Variants in NEDD4 observed in about 807,000 individuals in gnomAD.
NEDD4 encodes NEDD4 E3 ubiquitin protein ligase.
Under a neutral mutation model 144.9 loss-of-function variants are expected in NEDD4, and 99 were observed. The ratio of observed to expected loss-of-function variants is 0.68; its 90% CI spans 0.58 to 0.81. The LOEUF (loss-of-function observed/expected upper bound fraction) is 0.81. NEDD4 is among the 30% of genes least tolerant of loss of function. The pLI, the probability that NEDD4 is intolerant of heterozygous loss-of-function variation, is 0.00. For synonymous variants in NEDD4, 318 were observed against 350.6 expected, an observed-to-expected ratio of 0.91 and a Z score of 1.04; for missense variants, 985 against 1,065.9, an observed-to-expected ratio of 0.92 and a Z score of 1.06.
chr15:55,986,843 T>A (rs183158981), intron 1 of NEDD4, among the ~76,000 whole-genome samples: 4 of 151,800 alleles, frequency 2.6e-5, no homozygotes, highest in Admixed American at 2.6e-4. Context: ...GATCCACCCG[T>A]CTCGGCCTCC....
intron 3 of NEDD4, 32 bp from the exon 4 acceptor site, chr15:55,951,446 A>C: frequency 7.9e-7 from 1 of 1,266,862 alleles, no homozygotes; most frequent in Non-Finnish European, 1.1e-6. Flanking sequence ...ATAACTAAAT[A>C]AGGTTTTGTC....
chr15:55,969,472 C>G (rs1416992347), intron 1 of NEDD4, among the ~76,000 whole-genome samples: 2 of 152,148 alleles, frequency 1.3e-5, no homozygotes, highest in Non-Finnish European at 2.9e-5. Flanking sequence ...CAAGGGTGTG[C>G]TTGTGTCACC....
intron 1 of NEDD4, among the ~76,000 whole-genome samples, chr15:55,985,227 G>T (rs1434931067): frequency 2.6e-5 from 4 of 152,210 alleles, no homozygotes; most frequent in African/African-American, 9.6e-5. Context: ...AGAAATTATA[G>T]TTCCTTCTCC....
In NEDD4 at chr15:55,842,219, C is replaced by T; in HGVS notation, c.1609-56G>A. The T allele has an allele frequency of 2.8e-6, 4 of 1,417,286 alleles. 1 individual carries two copies. In the South Asian group the frequency reaches 3.5e-5, roughly 13 times the overall value. The allele number at this position is 1,417,286 out of a possible 1,614,324, so 87.8% of individuals were successfully genotyped here. A position where few individuals can be genotyped will look rare whatever the true frequency, so the allele number is the denominator to read the frequency against. The stretch of plus-strand genomic sequence containing the variant: ...AAATCAGTTCAACATAATAACAAAC[C>T]CATCTCTCATAAAGTTATAACATTC... On this transcript the variant is annotated intron_variant, in intron 18 of 28. Coordinates refer to ENST00000435532, the MANE Select transcript of NEDD4 (RefSeq NM_006154.4).
At chr15:55,903,544 G>A (rs1386483699) in intron 5 of NEDD4, among the ~76,000 whole-genome samples, 1 of 152,158 alleles carries the variant, frequency 6.6e-6, no homozygotes, top group Non-Finnish European at 1.5e-5. Context: ...ATATACTGGG[G>A]CCGGGCAAGG....
In NEDD4 at chr15:55,834,026, G is replaced by T. The variant is rs1157993551; in HGVS notation, c.2430+12C>A. On this transcript the variant is annotated intron_variant, in intron 26 of 28. Transcript: ENST00000435532. Reference sequence around the variant, plus strand: ...CAAAAAGTAAGTTATGAAAATAGAAGTTTCAAATTACCTTCCAAAACCACT... The same window carrying T: ...CAAAAAGTAAGTTATGAAAATAGAATTTTCAAATTACCTTCCAAAACCACT... 1 of 1,580,422 alleles carries T rather than the reference G, an allele frequency of 6.3e-7. No homozygotes were observed. The highest frequency in any genetic ancestry group is 8.7e-7 in the Non-Finnish European group (1 of 1,155,946).
At chr15:55,940,441 A>G (rs1271841732) in intron 4 of NEDD4, among the ~76,000 whole-genome samples, 2 of 148,372 alleles carry the variant, frequency 1.3e-5, no homozygotes, top group African/African-American at 4.9e-5. Context: ...TAAATGGCTT[A>G]TTTTTCTCAT....
At chr15:55,890,030 G>C (rs1035625568) in intron 5 of NEDD4, among the ~76,000 whole-genome samples, 4 of 152,050 alleles carry the variant, frequency 2.6e-5, no homozygotes, top group Non-Finnish European at 5.9e-5. Context: ...ATAACTAAAA[G>C]AGCATAATTC....
chr15:55,844,693 C>A (rs1445588667), intron 18 of NEDD4, among the ~76,000 whole-genome samples: 1 of 152,056 alleles, frequency 6.6e-6, no homozygotes. Flanking sequence ...AATGCTTAAA[C>A]AGTATCTGGC....
intron 2 of NEDD4, among the ~76,000 whole-genome samples, chr15:55,955,689 T>C (rs2142310816): frequency 6.6e-6 from 1 of 152,288 alleles, no homozygotes; most frequent in Non-Finnish European, 1.5e-5. Context: ...ATTTCTTTTT[T>C]TTTTCTTTTC....
At chr15:55,844,769 G>A (rs1319401892) in intron 18 of NEDD4, among the ~76,000 whole-genome samples, 3 of 151,448 alleles carry the variant, frequency 2.0e-5, no homozygotes, top group African/African-American at 7.3e-5. Flanking sequence ...AGAGGAAAAG[G>A]TTAAAGACAG....
chr15:55,894,821 A>G (rs374724978), intron 5 of NEDD4, among the ~76,000 whole-genome samples: 1 of 152,206 alleles, frequency 6.6e-6, no homozygotes, highest in Non-Finnish European at 1.5e-5. Flanking sequence ...CAGGCAAGAC[A>G]TAACAGGAAT....
At chr15:55,965,289 C>T (rs558751737) in intron 2 of NEDD4, among the ~76,000 whole-genome samples, 1 of 152,110 alleles carries the variant, frequency 6.6e-6, no homozygotes, top group African/African-American at 2.4e-5. Flanking sequence ...GCAGCCTCAA[C>T]CACCCAGACT....
rs1284797191 is a variant in NEDD4, at chr15:55,828,306, TAAG to T, written c.*1588_*1590del. 2.0e-5 allele frequency: 3 copies of T among 152,192 alleles called. No homozygotes were observed. Among genetic ancestry groups the T allele is most frequent in the African/African-American group, 7.2e-5 (3 of 41,446 alleles). The allele number at this position is 152,192 out of a possible 1,614,324, so 9.4% of individuals were successfully genotyped here. A position where few individuals can be genotyped will look rare whatever the true frequency, so the allele number is the denominator to read the frequency against. On this transcript the variant is annotated 3_prime_UTR_variant, in exon 29 of 29. Transcript: ENST00000435532. ...CACAGGGTGTGTATATATATATATT[TAAG>T]AAGATTCGTAACATATATTTACAAT...
At position 55,951,421 on chromosome 15, in the gene NEDD4, AAT is replaced by A. The variant is rs2142301203; in HGVS notation, c.199-9_199-8del. ...TCCACTTTGGATTCAAACTCTAAAA[AAT>A]AATAAACATAGTATAACTAAATAAG... On this transcript the variant is annotated splice_polypyrimidine_tract_variant and splice_region_variant and intron_variant, in intron 3 of 28. Coordinates refer to ENST00000435532, the MANE Select transcript of NEDD4 (RefSeq NM_006154.4). The A allele has an allele frequency of 8.9e-7, 1 of 1,128,014 alleles. No individual in the cohort carries two copies. The highest frequency in any genetic ancestry group is 1.5e-5 in the South Asian group (1 of 65,240). 69.9% of individuals were successfully genotyped at this position (1,128,014 alleles called of 1,614,324 possible).
At chr15:55,910,976 C>T (rs1480555422) in intron 5 of NEDD4, among the ~76,000 whole-genome samples, 4 of 152,132 alleles carry the variant, frequency 2.6e-5, no homozygotes, top group African/African-American at 9.7e-5. Context: ...TTGTCTTCAG[C>T]ATGAAGCACC....
chr15:55,945,287 A>C (rs2037088902), intron 4 of NEDD4, among the ~76,000 whole-genome samples: 1 of 152,168 alleles, frequency 6.6e-6, no homozygotes, highest in South Asian at 2.1e-4. Flanking sequence ...CCCAATGGCT[A>C]ACTAGAATAA....
intron 11 of NEDD4, 38 bp from the exon 12 acceptor site, chr15:55,856,234 A>G (rs750719936): frequency 1.1e-5 from 17 of 1,576,886 alleles, no homozygotes; most frequent in African/African-American, 4.1e-5. Flanking sequence ...ATACCTTGAT[A>G]TTTGTGATTT....
chr15:55,857,267 C>T (rs1340978126), intron 11 of NEDD4, among the ~76,000 whole-genome samples: 2 of 152,122 alleles, frequency 1.3e-5, no homozygotes, highest in African/African-American at 4.8e-5. Context: ...AGGTCTTTGA[C>T]CACTAATAGT....
Sources: allele counts gnomAD v4.1 joint callset (sites outside exome capture counted in the v4.1 genomes callset), GRCh38; gene constraint gnomAD v4.1.1; transcripts MANE v1.5; gene names NCBI Gene and HGNC (gene_info 2026-07-23, HGNC 2026-07-21).